The following NMNAT3 variants were observed in gnomAD, a reference collection of about 807,000 sequenced individuals.
NMNAT3 encodes nicotinamide nucleotide adenylyltransferase 3.
NMNAT3 carries 21 observed loss-of-function variants against 24.8 expected under a neutral mutation model. The ratio of observed to expected loss-of-function variants is 0.85; its 90% CI spans 0.60 to 1.22. The LOEUF (loss-of-function observed/expected upper bound fraction) is 1.22, where lower values mean the gene tolerates loss of function less well. Ranked by LOEUF, NMNAT3 falls within the 50% of genes most tolerant of loss-of-function variation. The probability of loss-of-function intolerance (pLI) is 0.00; values close to 1 mark genes in which losing one functional copy is unlikely to be tolerated. For synonymous variants in NMNAT3, 136 were observed against 155.2 expected (o/e 0.88, Z 0.92); for missense variants, 387 against 436.6 (o/e 0.89, Z 1.01).
Position 139,628,782 on chromosome 3 carries a change from C to T in NMNAT3, c.-40-1018G>A, listed in dbSNP as rs909464747. Among the ~76,000 whole-genome samples, 6 of 152,300 alleles carry T rather than the reference C, an allele frequency of 3.9e-5. No individual in the cohort carries two copies. The South Asian group carries it at 1.2e-3, about 32-fold the overall frequency. On this transcript the variant is annotated intron_variant, in intron 2 of 6. Transcript: ENST00000643695. The stretch of plus-strand genomic sequence containing the variant: ...GGCAAATCACAGACCCTCTCTGAGC[C>T]TCAGGTTTCTAACCTGCAAGATGGG...
intron 6 of NMNAT3, among the ~76,000 whole-genome samples, chr3:139,562,347 GAC>G (rs1936532189): frequency 6.6e-6 from 1 of 152,174 alleles, no homozygotes; most frequent in Non-Finnish European, 1.5e-5. Context: ...TAGAGTTCCA[GAC>G]TGATTTTCCT....
chr3:139,587,430 G>A (rs140750200), intron 3 of NMNAT3, among the ~76,000 whole-genome samples: 1 of 152,296 alleles, frequency 6.6e-6, no homozygotes, highest in Non-Finnish European at 1.5e-5. Flanking sequence ...TGGAGCGAGA[G>A]TGGATAGATG....
intron 3 of NMNAT3, among the ~76,000 whole-genome samples, chr3:139,593,375 C>T (rs1489004851): frequency 2.0e-5 from 3 of 152,088 alleles, no homozygotes; most frequent in Admixed American, 2.0e-4. Flanking sequence ...GACTTTAACA[C>T]CCCACTGTCA....
chr3:139,604,134 A>G (rs1247641505), intron 3 of NMNAT3, among the ~76,000 whole-genome samples: 1 of 152,208 alleles, frequency 6.6e-6, no homozygotes, highest in Non-Finnish European at 1.5e-5. Flanking sequence ...CATGTCAGCT[A>G]AACTCATTGG....
chr3:139,575,966 G>A (rs528441871), intron 5 of NMNAT3: 22 of 1,288,344 alleles, frequency 1.7e-5, no homozygotes, highest in Admixed American at 6.9e-5. Context: ...CGTGATTAAC[G>A]TAGCCTCTCT....
At chr3:139,670,758 T>C (rs9864397) in intron 1 of NMNAT3, among the ~76,000 whole-genome samples, 17,035 of 152,208 alleles carry the variant, frequency 0.11, 1,307 homozygotes, top group Non-Finnish European at 0.17. Context: ...TAACTGTGTG[T>C]GTTGGGTTGT....
chr3:139,629,840 G>T (rs2056220804), intron 2 of NMNAT3, among the ~76,000 whole-genome samples: 1 of 152,116 alleles, frequency 6.6e-6, no homozygotes, highest in African/African-American at 2.4e-5. Flanking sequence ...AAACCCCCCG[G>T]CACATCCCAA....
intron 1 of NMNAT3, among the ~76,000 whole-genome samples, chr3:139,656,393 C>T (rs1486473717): frequency 6.6e-6 from 1 of 152,154 alleles, no homozygotes; most frequent in Admixed American, 6.5e-5. Context: ...TTGTGATGAC[C>T]ATCCAAATTC....
intron 2 of NMNAT3, chr3:139,635,198 C>A (rs1004530107): frequency 6.6e-6 from 1 of 152,200 alleles, no homozygotes; most frequent in Non-Finnish European, 1.5e-5. Context: ...AAAGACCTCC[C>A]ATTTTTCTAG....
intron 1 of NMNAT3, among the ~76,000 whole-genome samples, chr3:139,640,610 C>T (rs1458457467): frequency 6.6e-6 from 1 of 152,144 alleles, no homozygotes; most frequent in Non-Finnish European, 1.5e-5. Flanking sequence ...CTTGGCCAGG[C>T]TCTCCATGAA....
At chr3:139,581,860 TTA>T (rs2053635078) in intron 4 of NMNAT3, among the ~76,000 whole-genome samples, 1 of 151,982 alleles carries the variant, frequency 6.6e-6, no homozygotes, top group African/African-American at 2.4e-5. Flanking sequence ...CATACGTAGT[TTA>T]TTATATGTTA....
intron 2 of NMNAT3, among the ~76,000 whole-genome samples, chr3:139,628,743 G>A (rs537022207): frequency 7.9e-5 from 12 of 152,190 alleles, no homozygotes; most frequent in East Asian, 1.9e-4. Flanking sequence ...CCTCTCACTG[G>A]CTGTGAGGCC....
At chr3:139,624,752 A>G (rs1454498863) in intron 3 of NMNAT3, among the ~76,000 whole-genome samples, 2 of 152,130 alleles carry the variant, frequency 1.3e-5, no homozygotes, top group Non-Finnish European at 2.9e-5. Flanking sequence ...CCATGCGGAG[A>G]CTTCTTTTAT....
At chr3:139,650,699 G>A (rs1386520243) in intron 1 of NMNAT3, among the ~76,000 whole-genome samples, 5 of 152,036 alleles carry the variant, frequency 3.3e-5, no homozygotes, top group African/African-American at 7.3e-5. Flanking sequence ...CTCATCCCTC[G>A]GCCTAATGAG....
intron 3 of NMNAT3, among the ~76,000 whole-genome samples, chr3:139,596,947 TATATATATATA>T (rs1559891098): frequency 2.3e-5 from 3 of 129,356 alleles, no homozygotes; most frequent in African/African-American, 9.8e-5. Flanking sequence ...TATATATATA[TATATATATATA>T]TATATATTTT....
intron 3 of NMNAT3, among the ~76,000 whole-genome samples, chr3:139,595,448 T>C (rs895705634): frequency 6.6e-6 from 1 of 152,180 alleles, no homozygotes; most frequent in Non-Finnish European, 1.5e-5. Flanking sequence ...CTTCACAGAA[T>C]TGGAAAAACT....
At chr3:139,663,121 C>A (rs1450194651) in intron 1 of NMNAT3, among the ~76,000 whole-genome samples, 2 of 152,206 alleles carry the variant, frequency 1.3e-5, no homozygotes, top group Non-Finnish European at 2.9e-5. Context: ...TTTCTGGAGG[C>A]TCTGGGGGAG....
chr3:139,674,256 C>G (rs1426636150), intron 1 of NMNAT3, among the ~76,000 whole-genome samples: 4 of 152,218 alleles, frequency 2.6e-5, no homozygotes, highest in African/African-American at 7.2e-5. Context: ...AATAGATTGC[C>G]TTTCTATTCC....
chr3:139,565,609 G>A (rs904031648), intron 6 of NMNAT3: 22 of 151,994 alleles, frequency 1.4e-4, no homozygotes, highest in African/African-American at 3.9e-4. Flanking sequence ...GAGAACATGC[G>A]GTGTTTGGTT....
Sources: allele counts gnomAD v4.1 joint callset (sites outside exome capture counted in the v4.1 genomes callset), GRCh38; gene constraint gnomAD v4.1.1; transcripts MANE v1.5; gene names NCBI Gene and HGNC (gene_info 2026-07-23, HGNC 2026-07-21).